Variants in GABRG3 observed in about 807,000 individuals in gnomAD.
GABRG3 encodes the protein gamma-aminobutyric acid type A receptor subunit gamma3, also known as gamma-aminobutyric acid receptor subunit gamma-3.
A neutral mutation model predicts 48.8 loss-of-function variants in GABRG3; 25 were observed. The observed-to-expected ratio is 0.51, with a 90% CI of 0.37 to 0.72. GABRG3 has a LOEUF of 0.72. GABRG3 is among the 30% of genes least tolerant of loss of function. The pLI, the probability that GABRG3 is intolerant of heterozygous loss-of-function variation, is 0.00. For synonymous variants in GABRG3, 227 were observed against 217.6 expected, an observed-to-expected ratio of 1.04 and a Z score of -0.38; for missense variants, 394 against 577.9, an observed-to-expected ratio of 0.68 and a Z score of 3.26.
chr15:27,185,025 A>G (rs1010014898), intron 3 of GABRG3, among the ~76,000 whole-genome samples: 4 of 151,500 alleles, frequency 2.6e-5, no homozygotes, highest in African/African-American at 9.7e-5. Flanking sequence ...TTCTATTTTC[A>G]GTTTCATTAA....
At chr15:27,451,818 G>A (rs1349488985) in intron 5 of GABRG3, among the ~76,000 whole-genome samples, 1 of 152,066 alleles carries the variant, frequency 6.6e-6, no homozygotes, top group Non-Finnish European at 1.5e-5. Flanking sequence ...AATATGAAAG[G>A]AACTCAACAA....
At chr15:27,345,831 A>C (rs935446746) in intron 5 of GABRG3, among the ~76,000 whole-genome samples, 69 of 152,034 alleles carry the variant, frequency 4.5e-4, no homozygotes, top group African/African-American at 1.5e-3. Flanking sequence ...AGGCAGGGGG[A>C]TCCCCTGAGG....
At chr15:27,132,322 T>C (rs1225243298) in intron 3 of GABRG3, among the ~76,000 whole-genome samples, 1 of 152,006 alleles carries the variant, frequency 6.6e-6, no homozygotes, top group East Asian at 1.9e-4. Flanking sequence ...AGGTGAAAGA[T>C]AGGGGTCTAG....
At chr15:27,427,094 C>T (rs368533985) in intron 5 of GABRG3, among the ~76,000 whole-genome samples, 2 of 152,104 alleles carry the variant, frequency 1.3e-5, no homozygotes, top group South Asian at 2.1e-4. Flanking sequence ...TCCAAATGTG[C>T]GAGACTAAAT....
chr15:27,396,938 G>A (rs1397814934), intron 5 of GABRG3, among the ~76,000 whole-genome samples: 2 of 152,172 alleles, frequency 1.3e-5, no homozygotes, highest in African/African-American at 2.4e-5. Context: ...GGTTACCTGG[G>A]GCTGGAAAAT....
chr15:27,173,685 G>T (rs139108951), intron 3 of GABRG3, among the ~76,000 whole-genome samples: 1 of 140,736 alleles, frequency 7.1e-6, no homozygotes, highest in Non-Finnish European at 1.5e-5. Flanking sequence ...CTGGGCAACA[G>T]AGCAAGATAC....
chr15:27,503,279 T>C (rs1419814282), intron 6 of GABRG3, among the ~76,000 whole-genome samples: 1 of 152,188 alleles, frequency 6.6e-6, no homozygotes. Context: ...CACAATGTTA[T>C]AGTAATGCTT....
At chr15:27,022,670 G>T (rs927163805) in intron 2 of GABRG3, among the ~76,000 whole-genome samples, 1 of 152,092 alleles carries the variant, frequency 6.6e-6, no homozygotes, top group Non-Finnish European at 1.5e-5. Context: ...CTAGTTTTTG[G>T]TACGTGGCTC....
intron 3 of GABRG3, among the ~76,000 whole-genome samples, chr15:27,223,644 TTAAAA>T (rs1889520187): frequency 6.6e-6 from 1 of 152,160 alleles, no homozygotes; most frequent in Non-Finnish European, 1.5e-5. Context: ...GCAAAAATGT[TTAAAA>T]TACTAGATGT....
chr15:27,424,801 G>A (rs983308985), intron 5 of GABRG3, among the ~76,000 whole-genome samples: 14 of 152,078 alleles, frequency 9.2e-5, no homozygotes, highest in African/African-American at 2.2e-4. Context: ...TAGTCTGCCC[G>A]TCTTGGCCTC....
In GABRG3 at chr15:27,410,834, G is replaced by A. The variant is rs115834820; in HGVS notation, c.575-69816G>A. Among the ~76,000 whole-genome samples the A allele has an allele frequency of 2.7e-3, 383 of 142,646 alleles. 1 individual carries two copies. The highest frequency in any genetic ancestry group is 9.3e-3 in the African/African-American group (354 of 38,072). The allele number at this position is 142,646 out of a possible 152,430, so 93.6% of individuals were successfully genotyped here. A position where few individuals can be genotyped will look rare whatever the true frequency, so the allele number is the denominator to read the frequency against. ...TTGGTGAAAGAGAGAGAGAGCACAC[G>A]TGCGCACGCTCGTGTGTGTGTGTGT... On this transcript the variant is annotated intron_variant, in intron 5 of 9. Coordinates refer to ENST00000615808, the MANE Select transcript of GABRG3 (RefSeq NM_033223.5).
chr15:27,368,635 G>A (rs569368749), intron 5 of GABRG3, among the ~76,000 whole-genome samples: 2 of 152,110 alleles, frequency 1.3e-5, no homozygotes, highest in Non-Finnish European at 2.9e-5. Flanking sequence ...GTTACCTCCG[G>A]TTCTGCAGGA....
intron 3 of GABRG3, among the ~76,000 whole-genome samples, chr15:27,193,852 G>A (rs936957165): frequency 1.3e-5 from 2 of 152,062 alleles, no homozygotes; most frequent in African/African-American, 4.8e-5. Flanking sequence ...GTTCCTATTC[G>A]GCCATCTTGG....
At chr15:27,474,314 C>T (rs1431436714) in intron 5 of GABRG3, among the ~76,000 whole-genome samples, 7 of 152,084 alleles carry the variant, frequency 4.6e-5, no homozygotes, top group African/African-American at 1.7e-4. Flanking sequence ...AATATCTGAG[C>T]ATGTTTCAGG....
At chr15:27,369,620 A>G (rs1895329618) in intron 5 of GABRG3, among the ~76,000 whole-genome samples, 1 of 152,034 alleles carries the variant, frequency 6.6e-6, no homozygotes, top group South Asian at 2.1e-4. Flanking sequence ...GATCGAGACC[A>G]TCCTGGCTGA....
At chr15:26,982,956 T>G (rs1457874064) in intron 2 of GABRG3, among the ~76,000 whole-genome samples, 1 of 152,194 alleles carries the variant, frequency 6.6e-6, no homozygotes, top group East Asian at 1.9e-4. Flanking sequence ...CTGTCTCATT[T>G]AAATGCTAAA....
chr15:26,991,078 C>G (rs1039703902), intron 2 of GABRG3, among the ~76,000 whole-genome samples: 1 of 152,092 alleles, frequency 6.6e-6, no homozygotes, highest in Non-Finnish European at 1.5e-5. Context: ...GCTGTTATTA[C>G]GTGATGTGAT....
In GABRG3 at chr15:27,538,589, G is replaced by C. The variant is rs1891600581; in HGVS notation, c.*5708G>C. 1 of 152,226 alleles carries C rather than the reference G, an allele frequency of 6.6e-6. No individual in the cohort carries two copies. Among genetic ancestry groups the C allele is most frequent in the Non-Finnish European group, 1.5e-5 (1 of 68,030 alleles). 9.4% of individuals were successfully genotyped at this position (152,226 alleles called of 1,614,324 possible). A position where few individuals can be genotyped will look rare whatever the true frequency, so the allele number is the denominator to read the frequency against. On this transcript the variant is annotated 3_prime_UTR_variant, in exon 10 of 10. Coordinates refer to ENST00000615808, the MANE Select transcript of GABRG3 (RefSeq NM_033223.5). Reference sequence around the variant, plus strand: ...TGAGCAGGCTACACAATGTGAGGATGATAATGGTTCCTGCAGGGAAGCCAG... The same window carrying C: ...TGAGCAGGCTACACAATGTGAGGATCATAATGGTTCCTGCAGGGAAGCCAG...
chr15:27,341,721 A>G (rs1894185534), intron 5 of GABRG3, among the ~76,000 whole-genome samples: 1 of 152,184 alleles, frequency 6.6e-6, no homozygotes, highest in Non-Finnish European at 1.5e-5. Flanking sequence ...AAAGGGGCTC[A>G]CGGCTATTGT....
Sources: allele counts gnomAD v4.1 joint callset (sites outside exome capture counted in the v4.1 genomes callset), GRCh38; gene constraint gnomAD v4.1.1; transcripts MANE v1.5; gene names NCBI Gene and HGNC (gene_info 2026-07-23, HGNC 2026-07-21).